GABBR2: variants seen among roughly 807,000 people sequenced by gnomAD.
GABBR2 encodes G-protein coupled receptor 51.
Under a neutral mutation model 105.6 loss-of-function variants are expected in GABBR2, and 23 were observed. The observed-to-expected ratio is 0.22, with a 90% CI of 0.16 to 0.31. The LOEUF is 0.31. Ranked by LOEUF, GABBR2 falls within the 10% of genes least tolerant of loss-of-function variation. GABBR2 has a pLI of 1.00. For missense variants in GABBR2, 734 were observed against 1,245.5 expected (o/e 0.59, Z 6.18); for synonymous variants, 478 against 499.7 (o/e 0.96, Z 0.58).
chr9:98,476,966 T>G (rs1450746726), intron 5 of GABBR2, among the ~76,000 whole-genome samples: 1 of 152,240 alleles, frequency 6.6e-6, no homozygotes, highest in Non-Finnish European at 1.5e-5. Flanking sequence ...GATCATCCAT[T>G]GTCTAATGCA....
intron 1 of GABBR2, among the ~76,000 whole-genome samples, chr9:98,628,875 C>T (rs917584075): frequency 2.0e-5 from 3 of 152,202 alleles, no homozygotes; most frequent in Non-Finnish European, 2.9e-5. Flanking sequence ...AACATGCACG[C>T]GCGTGCACCT....
Position 98,540,642 on chromosome 9 carries a change from C to T in GABBR2, c.630+1231G>A, listed in dbSNP as rs541229080. ...CAAGAGGCTGTGTGTCTGCCCCCAC[C>T]GCTCCGGCTGAGGTCTGTCTAGACC... is the stretch of plus-strand genomic sequence containing the variant. On this transcript the variant is annotated intron_variant, in intron 3 of 18. Transcript: ENST00000259455. Among the ~76,000 whole-genome samples the T allele has an allele frequency of 4.6e-5, 7 of 152,346 alleles. No individual in the cohort carries two copies. The South Asian group carries it at 6.2e-4, about 14-fold the overall frequency.
rs1227361306 is a variant in GABBR2 at position 98,362,958 on chromosome 9, C to T, written c.1771-121G>A. 9 of 757,278 alleles carry T rather than the reference C, an allele frequency of 1.2e-5. No homozygotes were observed. In the South Asian group the frequency reaches 1.9e-4, roughly 16 times the overall value. 46.9% of individuals were successfully genotyped at this position (757,278 alleles called of 1,614,324 possible). A position where few individuals can be genotyped will look rare whatever the true frequency, so the allele number is the denominator to read the frequency against. On this transcript the variant is annotated intron_variant, in intron 12 of 18. Transcript: ENST00000259455. Reference sequence around the variant, plus strand: ...AACCCCCCAGCCGGAGAGTCTCCTGCGATTCCCCATCACCCACAGGATAAA... The same window carrying T: ...AACCCCCCAGCCGGAGAGTCTCCTGTGATTCCCCATCACCCACAGGATAAA...
intron 13 of GABBR2, among the ~76,000 whole-genome samples, chr9:98,351,864 C>T (rs1831404756): frequency 6.6e-6 from 1 of 152,082 alleles, no homozygotes; most frequent in Non-Finnish European, 1.5e-5. Context: ...TATTGTGTTC[C>T]TTTGGAGGTA....
At chr9:98,484,602 T>C (rs1253094795) in intron 4 of GABBR2, among the ~76,000 whole-genome samples, 5 of 152,016 alleles carry the variant, frequency 3.3e-5, no homozygotes, top group African/African-American at 7.2e-5. Flanking sequence ...GGGGGCACCA[T>C]AGAGCAGTAT....
At chr9:98,615,409 C>T (rs868297669) in intron 1 of GABBR2, among the ~76,000 whole-genome samples, 7 of 152,178 alleles carry the variant, frequency 4.6e-5, no homozygotes, top group Admixed American at 1.3e-4. Flanking sequence ...CATAATAAAG[C>T]GTATATCATT....
chr9:98,693,173 C>T (rs528769862), intron 1 of GABBR2, among the ~76,000 whole-genome samples: 48 of 152,362 alleles, frequency 3.2e-4, no homozygotes, highest in African/African-American at 1.1e-3. Context: ...ATGGCCTCAT[C>T]AGAAGCCTGA....
At chr9:98,608,899 C>T (rs996404268) in intron 1 of GABBR2, among the ~76,000 whole-genome samples, 2 of 152,118 alleles carry the variant, frequency 1.3e-5, no homozygotes, top group African/African-American at 4.8e-5. Context: ...CTCCTTTTTA[C>T]ACTTTATGGT....
At chr9:98,453,669 T>C (rs1826274216) in intron 7 of GABBR2, among the ~76,000 whole-genome samples, 1 of 152,230 alleles carries the variant, frequency 6.6e-6, no homozygotes, top group Admixed American at 6.5e-5. Flanking sequence ...TGCTCTAAAA[T>C]GTAAATAGCC....
Position 98,306,323 on chromosome 9 carries a change from C to A in GABBR2, c.2027G>T (p.Trp676Leu). ...LLMLFGCFLAWETRNVSIPAL... is the reference protein window; with the variant it reads ...LLMLFGCFLALETRNVSIPAL... ...GGGGATGCTGACGTTGCGGGTCTCCCAAGCTAAGAAACAACCGAACAACTG... is the reference window on the plus strand; with the variant it reads ...GGGGATGCTGACGTTGCGGGTCTCCAAAGCTAAGAAACAACCGAACAACTG... The change falls in exon 15 of 19, where the codon TGG (tryptophan) becomes TTG (leucine). Residue 676 changes from tryptophan (W) to leucine (L), a missense_variant. Trp to Leu is a moderately conservative substitution (Grantham distance 61, BLOSUM62 -2). This residue lies in a region of GABBR2 where 91 missense variants were observed against 185.9 expected (regional missense o/e 0.49). Transcript: ENST00000259455. This position sits in a 1 kb window ranked among gnomAD's most constrained non-coding sequence, Gnocchi z 5.4. The A allele has an allele frequency of 6.2e-7, 1 of 1,613,668 alleles. No homozygotes were observed. Among genetic ancestry groups the A allele is most frequent in the Non-Finnish European group, 8.5e-7 (1 of 1,179,640 alleles).
chr9:98,313,846 C>T (rs528471582), intron 13 of GABBR2, among the ~76,000 whole-genome samples: 227 of 152,252 alleles, frequency 1.5e-3, no homozygotes, highest in Non-Finnish European at 2.3e-3. Context: ...TCTTGCTCTC[C>T]AGGTGTGACC....
At chr9:98,640,822 G>A (rs1229029656) in intron 1 of GABBR2, among the ~76,000 whole-genome samples, 1 of 152,128 alleles carries the variant, frequency 6.6e-6, no homozygotes, top group African/African-American at 2.4e-5. Flanking sequence ...TCTGAGACAG[G>A]GCAGTGTGCC....
Position 98,362,482 on chromosome 9 carries a change from A to C in GABBR2, c.1893+233T>G, listed in dbSNP as rs181784303. The C allele has an allele frequency of 8.9e-5, 24 of 270,578 alleles. No homozygotes were observed. The East Asian group carries it at 1.3e-3, about 15-fold the overall frequency. 16.8% of individuals were successfully genotyped at this position (270,578 alleles called of 1,614,324 possible). On this transcript the variant is annotated intron_variant, in intron 13 of 18. Transcript: ENST00000259455. The stretch of plus-strand genomic sequence containing the variant: ...CTACAATGCATAAGAATATACTCTT[A>C]AAAAGCCCAACATTTCCCATTCATT...
intron 1 of GABBR2, among the ~76,000 whole-genome samples, chr9:98,698,397 C>T (rs1830784285): frequency 6.6e-6 from 1 of 152,164 alleles, no homozygotes; most frequent in African/African-American, 2.4e-5. Flanking sequence ...CAAAAGAATG[C>T]CCCCATCAGC....
intron 8 of GABBR2, among the ~76,000 whole-genome samples, chr9:98,395,663 G>C (rs1261116114): frequency 6.6e-6 from 1 of 152,148 alleles, no homozygotes; most frequent in Non-Finnish European, 1.5e-5. Context: ...CATGGAGCTG[G>C]CTGCAGTGTC....
Position 98,290,484 on chromosome 9 carries a change from C to T in GABBR2, c.*100G>A, listed in dbSNP as rs1360641114. 1.1e-6 allele frequency: 1 copy of T among 879,052 alleles called. No individual in the cohort carries two copies. The highest frequency in any genetic ancestry group is 4.3e-5 in the Admixed American group (1 of 23,344). 54.5% of individuals were successfully genotyped at this position (879,052 alleles called of 1,614,324 possible). A position where few individuals can be genotyped will look rare whatever the true frequency, so the allele number is the denominator to read the frequency against. Reference sequence around the variant, plus strand: ...GTCCTGAGAGGCCAGCCATGGTGCCCAGCTTCTCCGCAGCCAGAGCCGACA... The same window carrying T: ...GTCCTGAGAGGCCAGCCATGGTGCCTAGCTTCTCCGCAGCCAGAGCCGACA... On this transcript the variant is annotated 3_prime_UTR_variant, in exon 19 of 19. Coordinates refer to ENST00000259455, the MANE Select transcript of GABBR2 (RefSeq NM_005458.8).
intron 13 of GABBR2, among the ~76,000 whole-genome samples, chr9:98,338,783 T>A (rs566979085): frequency 6.6e-6 from 1 of 152,226 alleles, no homozygotes; most frequent in Admixed American, 6.5e-5. Flanking sequence ...CTCCCAGGTA[T>A]ATATCCAAGA....
intron 2 of GABBR2, among the ~76,000 whole-genome samples, chr9:98,565,475 T>G (rs1023512459): frequency 3.9e-5 from 6 of 152,112 alleles, no homozygotes; most frequent in African/African-American, 1.4e-4. Flanking sequence ...ATCGAGGTTA[T>G]CAAGGCCCAT....
intron 3 of GABBR2, among the ~76,000 whole-genome samples, chr9:98,506,055 C>T (rs993079236): frequency 2.6e-5 from 4 of 152,142 alleles, no homozygotes; most frequent in Non-Finnish European, 5.9e-5. Context: ...TTTGATGGCA[C>T]CATTTGTCTG....
Sources: gnomAD v4.1 joint callset for allele counts (sites outside exome capture counted in the v4.1 genomes callset) on GRCh38, gnomAD v4.1.1 for gene constraint, gnomAD v4.1.1 regional missense constraint, Gnocchi (gnomAD v3.1) non-coding constraint, MANE v1.5 for transcripts, NCBI Gene and HGNC (gene_info 2026-07-23, HGNC 2026-07-21) for gene names.